The following CNTNAP5 variants were observed in gnomAD, a reference collection of about 807,000 sequenced individuals.
CNTNAP5 encodes the protein contactin associated protein family member 5.
Under a neutral mutation model 150.2 loss-of-function variants are expected in CNTNAP5, and 72 were observed. That is an observed-to-expected ratio of 0.48 (90% CI 0.40 to 0.58). The LOEUF (loss-of-function observed/expected upper bound fraction) is 0.58. Among genes scored for constraint, CNTNAP5 ranks in the 20% least tolerant of loss-of-function variants. The pLI, the probability that CNTNAP5 is intolerant of heterozygous loss-of-function variation, is 0.00. For synonymous variants in CNTNAP5, 672 were observed against 619.8 expected (o/e 1.08, Z -1.25); for missense variants, 1,636 against 1,626.2 (o/e 1.01, Z -0.10).
intron 8 of CNTNAP5, among the ~76,000 whole-genome samples, chr2:124,517,634 TGTG>T (rs1694755174): frequency 6.8e-6 from 1 of 147,080 alleles, no homozygotes; most frequent in South Asian, 2.2e-4. Flanking sequence ...GAAGAGGGGT[TGTG>T]GTGTTGATGA....
chr2:124,776,972 T>C (rs770109221), intron 17 of CNTNAP5, among the ~76,000 whole-genome samples: 12 of 152,120 alleles, frequency 7.9e-5, no homozygotes, highest in Admixed American at 2.0e-4. Flanking sequence ...AACATTAATG[T>C]ATGACTTTCA....
intron 1 of CNTNAP5, among the ~76,000 whole-genome samples, chr2:124,147,747 G>T (rs142071200): frequency 2.6e-5 from 4 of 152,134 alleles, no homozygotes; most frequent in African/African-American, 4.8e-5. Context: ...TGGCCTGGGC[G>T]GCTTCTCTCA....
At chr2:124,841,044 G>T (rs1377142988) in intron 19 of CNTNAP5, among the ~76,000 whole-genome samples, 1 of 152,088 alleles carries the variant, frequency 6.6e-6, no homozygotes, top group Non-Finnish European at 1.5e-5. Flanking sequence ...TGTGGAGTTG[G>T]TTATTAAATG....
chr2:124,605,526 A>G (rs1350060360), intron 11 of CNTNAP5, among the ~76,000 whole-genome samples: 1 of 152,166 alleles, frequency 6.6e-6, no homozygotes, highest in Non-Finnish European at 1.5e-5. Flanking sequence ...TTTAAGAACT[A>G]TTATTCTAGG....
At chr2:124,772,034 C>T (rs1432281042) in intron 16 of CNTNAP5, among the ~76,000 whole-genome samples, 2 of 151,974 alleles carry the variant, frequency 1.3e-5, no homozygotes, top group African/African-American at 2.4e-5. Context: ...ACCACCACCC[C>T]CATCAGCACC....
At chr2:124,618,283 A>G (rs1399735307) in intron 12 of CNTNAP5, among the ~76,000 whole-genome samples, 1 of 152,166 alleles carries the variant, frequency 6.6e-6, no homozygotes, top group Non-Finnish European at 1.5e-5. Context: ...AAGATGAGCA[A>G]CAGACTAAGA....
chr2:124,907,212 C>G (rs181568089), intron 22 of CNTNAP5, among the ~76,000 whole-genome samples: 43 of 152,192 alleles, frequency 2.8e-4, no homozygotes, highest in African/African-American at 9.9e-4. Flanking sequence ...GTTCAGAAGA[C>G]AGAAGCCCAT....
rs1346506454 is a variant in CNTNAP5 at position 124,367,712 on chromosome 2, T to G, written c.382-49731T>G. Among the ~76,000 whole-genome samples the G allele has an allele frequency of 2.0e-5, 3 of 152,174 alleles. No homozygotes were observed. The East Asian group carries it at 5.8e-4, about 29-fold the overall frequency. ...GAGGGCCTTGAGGTTTAAAGTGTAC[T>G]CCATCTGAACCTTAGAAAGGACCTG... On this transcript the variant is annotated intron_variant, in intron 3 of 23. Coordinates refer to ENST00000682447, the MANE Select transcript of CNTNAP5 (RefSeq NM_001367498.1).
intron 3 of CNTNAP5, among the ~76,000 whole-genome samples, chr2:124,415,360 A>G (rs911834054): frequency 6.6e-6 from 1 of 152,196 alleles, no homozygotes; most frequent in Admixed American, 6.5e-5. Context: ...TTTGTGATAC[A>G]TGATAGTAAT....
intron 1 of CNTNAP5, among the ~76,000 whole-genome samples, chr2:124,176,206 T>G (rs1250065996): frequency 1.3e-5 from 2 of 152,218 alleles, no homozygotes; most frequent in Non-Finnish European, 2.9e-5. Flanking sequence ...TAGACTTCAG[T>G]TCCCTTAAAA....
At chr2:124,163,813 C>T (rs911444088) in intron 1 of CNTNAP5, among the ~76,000 whole-genome samples, 10 of 151,756 alleles carry the variant, frequency 6.6e-5, no homozygotes, top group African/African-American at 2.4e-4. Flanking sequence ...CCATGAAGAA[C>T]AAATCTTCTC....
intron 3 of CNTNAP5, among the ~76,000 whole-genome samples, chr2:124,359,412 G>T (rs1690131296): frequency 6.6e-6 from 1 of 151,570 alleles, no homozygotes; most frequent in South Asian, 2.1e-4. Flanking sequence ...GTCAATTTTG[G>T]ATCTTTCCTG....
chr2:124,578,032 G>A (rs1014360482), intron 11 of CNTNAP5, among the ~76,000 whole-genome samples: 9 of 151,726 alleles, frequency 5.9e-5, no homozygotes, highest in East Asian at 1.9e-4. Context: ...GAACATGGCC[G>A]GGCACGGTGG....
intron 4 of CNTNAP5, among the ~76,000 whole-genome samples, chr2:124,431,508 G>GGT (rs1553467712): frequency 1.8e-4 from 21 of 114,256 alleles, no homozygotes; most frequent in African/African-American, 5.8e-4. Flanking sequence ...AAGTGTCAAA[G>GGT]ATATATATAT....
chr2:124,250,800 A>ATT, intron 3 of CNTNAP5, among the ~76,000 whole-genome samples: 1 of 146,944 alleles, frequency 6.8e-6, no homozygotes, highest in Admixed American at 6.8e-5. Flanking sequence ...TCTCTCAAGT[A>ATT]TTTTTTTTTT....
At chr2:124,109,042 G>A (rs916726375) in intron 1 of CNTNAP5, among the ~76,000 whole-genome samples, 48 of 152,232 alleles carry the variant, frequency 3.2e-4, no homozygotes, top group Non-Finnish European at 5.4e-4. Flanking sequence ...GCAAGCAAGT[G>A]GATCCCAAAA....
chr2:124,288,239 T>C (rs1254176578), intron 3 of CNTNAP5, among the ~76,000 whole-genome samples: 1 of 152,224 alleles, frequency 6.6e-6, no homozygotes, highest in Admixed American at 6.5e-5. Flanking sequence ...CAGGACAGTA[T>C]CTTTTAGTAC....
At chr2:124,724,762 T>G (rs1326380906) in intron 13 of CNTNAP5, among the ~76,000 whole-genome samples, 2 of 151,878 alleles carry the variant, frequency 1.3e-5, no homozygotes, top group Non-Finnish European at 2.9e-5. Context: ...CTCAAAAAAG[T>G]AGTATTAGTG....
intron 11 of CNTNAP5, among the ~76,000 whole-genome samples, chr2:124,594,399 T>C (rs999158749): frequency 6.6e-6 from 1 of 152,134 alleles, no homozygotes; most frequent in African/African-American, 2.4e-5. Context: ...AGGGAATCCT[T>C]TCCCCATTGC....
Sources: allele counts gnomAD v4.1 joint callset (sites outside exome capture counted in the v4.1 genomes callset), GRCh38; gene constraint gnomAD v4.1.1; transcripts MANE v1.5; gene names NCBI Gene and HGNC (gene_info 2026-07-23, HGNC 2026-07-21).